Variants in CSGALNACT1 observed in about 807,000 individuals in gnomAD.
CSGALNACT1 encodes beta4GalNAcT-1.
CSGALNACT1 carries 52 observed loss-of-function variants against 51.0 expected under a neutral mutation model. The observed-to-expected ratio is 1.02, with a 90% CI of 0.82 to 1.29. The LOEUF (loss-of-function observed/expected upper bound fraction) is 1.29, where lower values mean the gene tolerates loss of function less well. CSGALNACT1 is among the 50% of genes most tolerant of loss of function. The pLI is 0.00. For missense variants in CSGALNACT1, 935 were observed against 679.2 expected, an observed-to-expected ratio of 1.38 and a Z score of -4.19; for synonymous variants, 341 against 254.4, an observed-to-expected ratio of 1.34 and a Z score of -3.24.
intron 4 of CSGALNACT1, among the ~76,000 whole-genome samples, chr8:19,475,763 C>A (rs894679361): frequency 6.6e-6 from 1 of 152,202 alleles, no homozygotes; most frequent in Non-Finnish European, 1.5e-5. Flanking sequence ...GTTTTGGTCA[C>A]GCTAAACTCC....
At chr8:19,660,333 C>T (rs1242136578) in intron 1 of CSGALNACT1, among the ~76,000 whole-genome samples, 1 of 152,208 alleles carries the variant, frequency 6.6e-6, no homozygotes, top group Non-Finnish European at 1.5e-5. Context: ...CTTAACTGCA[C>T]AACCTCAAGC....
At chr8:19,418,434 C>T (rs938977449) in intron 8 of CSGALNACT1, among the ~76,000 whole-genome samples, 2 of 152,234 alleles carry the variant, frequency 1.3e-5, no homozygotes, top group Non-Finnish European at 2.9e-5. Context: ...GAAATTACCT[C>T]TCTGTAAAGT....
At chr8:19,632,458 G>A (rs151053045) in intron 1 of CSGALNACT1, among the ~76,000 whole-genome samples, 2 of 152,066 alleles carry the variant, frequency 1.3e-5, no homozygotes, top group African/African-American at 2.4e-5. Context: ...AAATGGCAAA[G>A]CATTTAAGGG....
intron 6 of CSGALNACT1, among the ~76,000 whole-genome samples, chr8:19,436,054 G>T (rs4431609): frequency 0.38 from 57,301 of 151,992 alleles, 11,625 homozygotes; most frequent in East Asian, 0.69. Context: ...ACTGGTGTTT[G>T]CAGAACACTG....
At chr8:19,616,030 T>G (rs2052955821) in intron 1 of CSGALNACT1, among the ~76,000 whole-genome samples, 1 of 152,140 alleles carries the variant, frequency 6.6e-6, no homozygotes, top group African/African-American at 2.4e-5. Context: ...ACCAAGACAC[T>G]GTGGATATAC....
At chr8:19,692,701 T>C (rs1480298389) in intron 1 of CSGALNACT1, among the ~76,000 whole-genome samples, 1 of 152,206 alleles carries the variant, frequency 6.6e-6, no homozygotes, top group African/African-American at 2.4e-5. Context: ...GAAATTTCCA[T>C]CTTCCTTCCA....
chr8:19,699,890 A>T (rs2061768940), intron 1 of CSGALNACT1, among the ~76,000 whole-genome samples: 1 of 152,116 alleles, frequency 6.6e-6, no homozygotes, highest in Admixed American at 6.5e-5. Context: ...GAGGGGACAG[A>T]TCACGAAGTC....
chr8:19,626,035 T>A (rs1167608620), intron 1 of CSGALNACT1, among the ~76,000 whole-genome samples: 1 of 152,104 alleles, frequency 6.6e-6, no homozygotes, highest in Non-Finnish European at 1.5e-5. Context: ...TAACAGATAA[T>A]CCTAGCAAGA....
chr8:19,444,669 C>G (rs547787706), intron 5 of CSGALNACT1, among the ~76,000 whole-genome samples: 2 of 152,314 alleles, frequency 1.3e-5, no homozygotes, highest in Non-Finnish European at 2.9e-5. Flanking sequence ...TTAATGATGA[C>G]ACCTAAAAGA....
chr8:19,461,785 ATTC>A, intron 4 of CSGALNACT1, among the ~76,000 whole-genome samples: 1 of 145,058 alleles, frequency 6.9e-6, no homozygotes, highest in African/African-American at 2.6e-5. Context: ...CAGCAGCCAC[ATTC>A]ACCATGGAGG....
chr8:19,429,198 A>G (rs2059281637), intron 6 of CSGALNACT1, among the ~76,000 whole-genome samples: 1 of 152,062 alleles, frequency 6.6e-6, no homozygotes, highest in Non-Finnish European at 1.5e-5. Context: ...TTCTTTTGAG[A>G]CAGAGTCCTA....
At chr8:19,726,138 C>T (rs946522492) in intron 1 of CSGALNACT1, among the ~76,000 whole-genome samples, 14 of 152,054 alleles carry the variant, frequency 9.2e-5, no homozygotes, top group East Asian at 3.9e-4. Flanking sequence ...CTGCCTGCAT[C>T]GCCTGTATAT....
chr8:19,543,823 CTAG>C (rs1328662509), intron 3 of CSGALNACT1, among the ~76,000 whole-genome samples: 1 of 152,146 alleles, frequency 6.6e-6, no homozygotes, highest in Non-Finnish European at 1.5e-5. Context: ...CTGAGTCCTC[CTAG>C]TAGGACTCAA....
At chr8:19,704,921 T>A (rs2062073317) in intron 1 of CSGALNACT1, among the ~76,000 whole-genome samples, 1 of 152,206 alleles carries the variant, frequency 6.6e-6, no homozygotes, top group African/African-American at 2.4e-5. Flanking sequence ...AAAGGGTAGT[T>A]ACTGTGTGAA....
At chr8:19,417,206 CACAGAT>C (rs747724684) in intron 8 of CSGALNACT1, among the ~76,000 whole-genome samples, 5 of 152,170 alleles carry the variant, frequency 3.3e-5, no homozygotes, top group African/African-American at 1.2e-4. Context: ...ATGTATAAAG[CACAGAT>C]ACAGATACAC....
chr8:19,525,615 CAAAAAAAAAAAA>C (rs34787475), intron 3 of CSGALNACT1, among the ~76,000 whole-genome samples: 307 of 20,392 alleles, frequency 0.015, 1 homozygote, highest in Admixed American at 0.022. Flanking sequence ...AAACTTGTCC[CAAAAAAAAAAAA>C]AAAAAAAAAA....
rs13266969 is a variant in CSGALNACT1, at chr8:19,461,807, C to G, written c.635-3165G>C. Among the ~76,000 whole-genome samples the G allele has an allele frequency of 0.013, 503 of 38,368 alleles. 101 individuals carry two copies. In the East Asian group the frequency reaches 0.15, roughly 12 times the overall value. The allele number at this position is 38,368 out of a possible 152,430, so 25.2% of individuals were successfully genotyped here. On this transcript the variant is annotated intron_variant, in intron 4 of 9. Transcript: ENST00000454498. ...CACATTCACCATGGAGGGCGTATCC[C>G]CACAGCAGCCACATTAGCCATGGAG...
At chr8:19,658,378 C>T (rs976242116) in intron 1 of CSGALNACT1, among the ~76,000 whole-genome samples, 1 of 152,126 alleles carries the variant, frequency 6.6e-6, no homozygotes, top group African/African-American at 2.4e-5. Flanking sequence ...TTTCACCAAC[C>T]ATACTTTAAC....
At chr8:19,649,845 AC>A (rs1564347688) in intron 1 of CSGALNACT1, among the ~76,000 whole-genome samples, 2 of 143,508 alleles carry the variant, frequency 1.4e-5, no homozygotes, top group Non-Finnish European at 3.0e-5. Flanking sequence ...AAAAAAAAAA[AC>A]CACGGGGGGA....
Sources: allele counts gnomAD v4.1 joint callset (sites outside exome capture counted in the v4.1 genomes callset), GRCh38; gene constraint gnomAD v4.1.1; transcripts MANE v1.5; gene names NCBI Gene and HGNC (gene_info 2026-07-23, HGNC 2026-07-21).